Variants in KMT5C observed in about 807,000 individuals in gnomAD.
KMT5C encodes the protein histone-lysine N-methyltransferase KMT5C.
KMT5C carries 16 observed loss-of-function variants against 38.2 expected under a neutral mutation model. The ratio of observed to expected loss-of-function variants is 0.42; its 90% CI spans 0.28 to 0.64. KMT5C has a LOEUF of 0.64. KMT5C is among the 30% of genes least tolerant of loss of function. The pLI, the probability that KMT5C is intolerant of heterozygous loss-of-function variation, is 0.23. For missense variants in KMT5C, 598 were observed against 665.1 expected (o/e 0.90, Z 1.11); for synonymous variants, 291 against 279.0 (o/e 1.04, Z -0.43).
chr19:55,347,064 G>A lies in KMT5C; in HGVS notation c.1004G>A (p.Arg335His), dbSNP rs774365087. The A allele has an allele frequency of 1.3e-5, 20 of 1,580,276 alleles. No individual in the cohort carries two copies. The highest frequency in any genetic ancestry group is 5.4e-5 in the African/African-American group (4 of 74,158). ...CAGCCCCGAGTGCGGCCCCGGAAGC[G>A]CCGACGCCCCCGGCCCCGGAGGGCC... ...QPQPRVRPRK[R>H]RRPRPRRAPV... is the part of the protein sequence containing the mutation. Residue 335 changes from arginine (R) to histidine (H), a missense_variant, in exon 9 of 9, where the codon CGC becomes CAC. Arg to His is a conservative substitution (Grantham distance 29). Transcript: ENST00000255613. This position sits in a 1 kb window ranked among gnomAD's most constrained non-coding sequence, Gnocchi z 4.6.
chr19:55,344,738 A>G (rs761894013), intron 6 of KMT5C: 1 of 526,974 alleles, frequency 1.9e-6, no homozygotes, highest in African/African-American at 1.9e-5. Context: ...TGCCCAGGAG[A>G]GGCCGCTGGT....
At chr19:55,346,404 G>C in intron 7 of KMT5C, 55 bp downstream of exon 7, 5 of 1,612,028 alleles carry the variant, frequency 3.1e-6, no homozygotes, top group Non-Finnish European at 4.2e-6. Context: ...CTTGAGCCCA[G>C]AAACGCACCC....
At position 55,347,194 on chromosome 19, in the gene KMT5C, G is replaced by GC. The variant is rs756012533; in HGVS notation, c.1141dup (p.His381ProfsTer80). On this transcript the variant is annotated frameshift_variant, in exon 9 of 9. Coordinates refer to ENST00000255613, the MANE Select transcript of KMT5C (RefSeq NM_032701.4). LOFTEE classifies it high-confidence loss of function. This position sits in a 1 kb window ranked among gnomAD's most constrained non-coding sequence, Gnocchi z 4.6. ...GAGAGGCCCTGGTGGCCCTGGGCCAGCCCCCCCACGCCCGCTGGGCCCCTC... is the reference window on the plus strand; with the variant it reads ...GAGAGGCCCTGGTGGCCCTGGGCCAGCCCCCCCCACGCCCGCTGGGCCCCTC... The GC allele has an allele frequency of 1.3e-6, 2 of 1,537,678 alleles. No individual in the cohort carries two copies. Among genetic ancestry groups the GC allele is most frequent in the Admixed American group, 2.0e-5 (1 of 50,982 alleles).
rs778624660 is a variant in KMT5C at position 55,346,566 on chromosome 19, G to A, written c.774G>A (p.Lys258=). The stretch of plus-strand genomic sequence containing the variant: ...CGTTGCCACCACGGCCCCTGGACAA[G>A]TACCAGCTGCGTGAGACCAAGCGGC... ...EPALPPRPLD[K]YQLRETKRRL... Residue 258 remains lysine, a synonymous_variant, in exon 8 of 9, where the codon AAG becomes AAA. Transcript: ENST00000255613. The A allele has an allele frequency of 6.3e-6, 10 of 1,592,662 alleles. No homozygotes were observed. The Middle Eastern group carries it at 5.0e-4, about 79-fold the overall frequency.
Position 55,346,689 on chromosome 19 carries a change from T to C in KMT5C, c.895+2T>C. On this transcript the variant is annotated splice_donor_variant, in intron 8 of 8. Transcript: ENST00000255613. LOFTEE classifies it high-confidence loss of function. ...CGCTGCGCCGGGACCCATTCTGCGG[T>C]GAGCACCCCTCCCTGCCATCCCAGC... 6.4e-7 allele frequency: 1 copy of C among 1,551,304 alleles called. No individual in the cohort carries two copies. Among genetic ancestry groups the C allele is most frequent in the Non-Finnish European group, 8.7e-7 (1 of 1,148,090 alleles).
chr19:55,344,887 C>T (rs757591398), intron 6 of KMT5C: 1 of 471,920 alleles, frequency 2.1e-6, no homozygotes, highest in Non-Finnish European at 4.4e-6. Context: ...GCTCCAGAGT[C>T]AGAACTGAGT....
intron 1 of KMT5C, among the ~76,000 whole-genome samples, chr19:55,341,345 C>G (rs62127764): frequency 0.37 from 56,930 of 151,902 alleles, 11,333 homozygotes; most frequent in Non-Finnish European, 0.45. Context: ...GCCTCCTGAC[C>G]ACTCCCGAAG....
chr19:55,346,724 C>T (rs2089623520), intron 8 of KMT5C, 37 bp downstream of exon 8: 2 of 1,451,678 alleles, frequency 1.4e-6, no homozygotes, highest in East Asian at 4.9e-5. Flanking sequence ...CAGCCCCTCC[C>T]CTGTCTGCTC....
chr19:55,342,455 C>A (rs1030320650), intron 3 of KMT5C, 75 bp downstream of exon 3: 2 of 1,222,584 alleles, frequency 1.6e-6, no homozygotes, highest in South Asian at 1.6e-5. Flanking sequence ...GCCTGGCAGA[C>A]GCTCTAGAGT....
In KMT5C at chr19:55,341,887, C is replaced by T; in HGVS notation, c.-50C>T. Reference sequence around the variant, plus strand: ...GCCAGGCTCCCCGCGCCTGCCTTGCCCTCACCTGCTCCTGCTCTCTGCCAG... The same window carrying T: ...GCCAGGCTCCCCGCGCCTGCCTTGCTCTCACCTGCTCCTGCTCTCTGCCAG... On this transcript the variant is annotated 5_prime_UTR_variant, in exon 2 of 9. Coordinates refer to ENST00000255613, the MANE Select transcript of KMT5C (RefSeq NM_032701.4). 8.7e-6 allele frequency: 13 copies of T among 1,491,672 alleles called. No individual in the cohort carries two copies. Among genetic ancestry groups the T allele is most frequent in the Non-Finnish European group, 1.2e-5 (13 of 1,070,122 alleles). 92.4% of individuals were successfully genotyped at this position (1,491,672 alleles called of 1,614,324 possible).
intron 1 of KMT5C, chr19:55,341,554 T>G (rs942911294): frequency 8.8e-6 from 2 of 226,530 alleles, no homozygotes; most frequent in Non-Finnish European, 1.8e-5. Context: ...TGTGTGTGTG[T>G]AGGGGGTCTC....
chr19:55,340,538 C>G (rs1302985954), intron 1 of KMT5C, among the ~76,000 whole-genome samples: 1 of 151,974 alleles, frequency 6.6e-6, no homozygotes, highest in Non-Finnish European at 1.5e-5. Context: ...GCTCTCACCG[C>G]CTACCCAGGC....
Position 55,346,294 on chromosome 19 carries a change from G to A in KMT5C, c.652G>A (p.Gly218Ser), listed in dbSNP as rs1217486771. 35 of 1,613,952 alleles carry A rather than the reference G, an allele frequency of 2.2e-5. No homozygotes were observed. Among genetic ancestry groups the A allele is most frequent in the Non-Finnish European group, 2.6e-5 (31 of 1,179,976 alleles). Residue 218 changes from glycine to serine, a missense_variant, in exon 7 of 9, where the codon GGC becomes AGC. Around this residue, in one of 3 missense-constraint regions of KMT5C, gnomAD observed 105 missense variants for 179.2 expected, o/e 0.59. Transcript: ENST00000255613. The stretch of plus-strand genomic sequence containing the variant: ...TGGGGACGAGGTGACATGCTTCTAC[G>A]GCGAGGGCTTCTTCGGCGAGAAGAA... ...EPGDEVTCFY[G>S]EGFFGEKNEH...
At position 55,343,521 on chromosome 19, in the gene KMT5C, A is replaced by G; in HGVS notation, c.387-159A>G. ...GAGCAGGGAAGCCCACCCAGGCAGG[A>G]GGGGAAGAGGGAGATCTGGAAGATG... On this transcript the variant is annotated intron_variant, in intron 4 of 8. Coordinates refer to ENST00000255613, the MANE Select transcript of KMT5C (RefSeq NM_032701.4). This position sits in a 1 kb window ranked among gnomAD's most constrained non-coding sequence, Gnocchi z 5.5. 1 of 686,736 alleles carries G rather than the reference A, an allele frequency of 1.5e-6. No homozygotes were observed. Among genetic ancestry groups the G allele is most frequent in the Non-Finnish European group, 2.4e-6 (1 of 412,160 alleles). 42.5% of individuals were successfully genotyped at this position (686,736 alleles called of 1,614,324 possible). A position where few individuals can be genotyped will look rare whatever the true frequency, so the allele number is the denominator to read the frequency against.
intron 6 of KMT5C, among the ~76,000 whole-genome samples, chr19:55,345,689 G>A (rs1479035076): frequency 6.6e-6 from 1 of 152,200 alleles, no homozygotes; most frequent in Non-Finnish European, 1.5e-5. Flanking sequence ...GCTGTGTGGG[G>A]CTTAGGAGGA....
At chr19:55,346,397 G>A (rs1173125710) in intron 7 of KMT5C, 48 bp downstream of exon 7, 1 of 1,609,576 alleles carries the variant, frequency 6.2e-7, no homozygotes. Flanking sequence ...TGGGCTTCTT[G>A]AGCCCAGAAA....
In KMT5C at chr19:55,342,770, C is replaced by T. The variant is rs1344078387; in HGVS notation, c.305C>T (p.Pro102Leu). Reference protein sequence around the residue: ...HVYRYLRAFLPESGFTILPCT... With the variant: ...HVYRYLRAFLLESGFTILPCT... ...TATCGCTACCTCCGTGCCTTCCTGC[C>T]GGAAAGTGGCTTTACCATCCTGCCC... is the stretch of plus-strand genomic sequence containing the variant. The change falls in exon 4 of 9, where the codon CCG becomes CTG. Residue 102 changes from proline (P) to leucine (L), a missense_variant. Physicochemically the swap from Pro to Leu is moderately conservative, Grantham distance 98. Around this residue, in one of 3 missense-constraint regions of KMT5C, gnomAD observed 167 missense variants for 187.8 expected, o/e 0.89. Coordinates refer to ENST00000255613, the MANE Select transcript of KMT5C (RefSeq NM_032701.4). The T allele has an allele frequency of 4.3e-6, 7 of 1,612,700 alleles. No individual in the cohort carries two copies. Among genetic ancestry groups the T allele is most frequent in the Admixed American group, 1.7e-5 (1 of 59,988 alleles).
Position 55,347,604 on chromosome 19 carries a change from G to C in KMT5C, c.*155G>C. The C allele has an allele frequency of 7.9e-7, 1 of 1,266,044 alleles. No homozygotes were observed. Among genetic ancestry groups the C allele is most frequent in the Non-Finnish European group, 1.0e-6 (1 of 960,760 alleles). 78.4% of individuals were successfully genotyped at this position (1,266,044 alleles called of 1,614,324 possible). ...AATGGGGTTGGTTTGGACACCCCCA[G>C]GGATCTGAGCCCTGACCCTTTGTGA... On this transcript the variant is annotated 3_prime_UTR_variant, in exon 9 of 9. Transcript: ENST00000255613. The surrounding 1 kb of genome is among the most constrained non-coding windows in gnomAD (Gnocchi z 4.6).
Position 55,347,006 on chromosome 19 carries a change from T to C in KMT5C, c.946T>C (p.Ser316Pro). ...AGCCTGCAGCGCCCGCCCAGACACC[T>C]CACCCCTCTGGCTCCAGTGGCTGCC... ...LPACSARPDT[S>P]PLWLQWLPQP... The change falls in exon 9 of 9, where the codon TCA (serine) becomes CCA (proline). Residue 316 changes from serine (S) to proline (P), a missense_variant. By Grantham distance (74) the Ser-to-Pro change is moderately conservative (BLOSUM62 -1). Coordinates refer to ENST00000255613, the MANE Select transcript of KMT5C (RefSeq NM_032701.4). This position sits in a 1 kb window ranked among gnomAD's most constrained non-coding sequence, Gnocchi z 4.6. 1 of 1,348,750 alleles carries C rather than the reference T, an allele frequency of 7.4e-7. No individual in the cohort carries two copies. The highest frequency in any genetic ancestry group is 1.0e-6 in the Non-Finnish European group (1 of 953,932). The allele number at this position is 1,348,750 out of a possible 1,614,324, so 83.5% of individuals were successfully genotyped here.
Sources: gnomAD v4.1 joint callset for allele counts (sites outside exome capture counted in the v4.1 genomes callset) on GRCh38, gnomAD v4.1.1 for gene constraint, gnomAD v4.1.1 regional missense constraint, Gnocchi (gnomAD v3.1) non-coding constraint, MANE v1.5 for transcripts, NCBI Gene and HGNC (gene_info 2026-07-23, HGNC 2026-07-21) for gene names.